The following DPP8 variants were observed in gnomAD, a reference collection of about 807,000 sequenced individuals.
DPP8 encodes the protein DPP VIII.
A neutral mutation model predicts 107.5 loss-of-function variants in DPP8; 31 were observed. The ratio of observed to expected loss-of-function variants is 0.29; its 90% CI spans 0.22 to 0.39. The LOEUF is 0.39. DPP8 is among the 10% of genes least tolerant of loss of function. The pLI, the probability that DPP8 is intolerant of heterozygous loss-of-function variation, is 1.00. For missense variants in DPP8, 842 were observed against 1,076.1 expected (o/e 0.78, Z 3.04); for synonymous variants, 381 against 356.6 (o/e 1.07, Z -0.77).
At chr15:65,507,648 T>G (rs376822801) in intron 2 of DPP8, among the ~76,000 whole-genome samples, 3 of 124,334 alleles carry the variant, frequency 2.4e-5, no homozygotes, top group Non-Finnish European at 3.3e-5. Context: ...CATAGCAAGA[T>G]CCCAACTTAA....
intron 5 of DPP8, among the ~76,000 whole-genome samples, chr15:65,496,155 T>C (rs1008184625): frequency 1.1e-4 from 16 of 151,826 alleles, no homozygotes; most frequent in African/African-American, 3.6e-4. Context: ...GGCTAATTTT[T>C]TGTAGTTTTC....
intron 19 of DPP8, among the ~76,000 whole-genome samples, chr15:65,447,767 C>T (rs560483230): frequency 3.9e-5 from 6 of 152,224 alleles, no homozygotes; most frequent in African/African-American, 1.4e-4. Context: ...ACTTCAAGGA[C>T]AACACTGACA....
chr15:65,473,279 C>T (rs1182879591), intron 12 of DPP8, among the ~76,000 whole-genome samples: 1 of 147,652 alleles, frequency 6.8e-6, no homozygotes, highest in Non-Finnish European at 1.5e-5. Context: ...AAGCCAAGAT[C>T]ATGCCACTGC....
intron 15 of DPP8, among the ~76,000 whole-genome samples, chr15:65,462,363 G>T (rs1472084557): frequency 6.6e-6 from 1 of 152,118 alleles, no homozygotes; most frequent in African/African-American, 2.4e-5. Context: ...AGATTTTATG[G>T]TTTATGTAGT....
chr15:65,491,749 T>A (rs879338615), intron 5 of DPP8, among the ~76,000 whole-genome samples: 1 of 152,212 alleles, frequency 6.6e-6, no homozygotes, highest in Non-Finnish European at 1.5e-5. Context: ...AACATTTTTT[T>A]TGAGACGGAG....
At chr15:65,501,366 T>G (rs1420807037) in intron 3 of DPP8, among the ~76,000 whole-genome samples, 2 of 152,184 alleles carry the variant, frequency 1.3e-5, no homozygotes, top group African/African-American at 4.8e-5. Context: ...ATGTTAGCAT[T>G]CAAGACTTTC....
At chr15:65,500,309 T>C (rs1025726725) in intron 4 of DPP8, among the ~76,000 whole-genome samples, 3 of 151,940 alleles carry the variant, frequency 2.0e-5, no homozygotes, top group African/African-American at 7.3e-5. Context: ...TCCCAGCTAC[T>C]TGGGAGGCTG....
In DPP8 at chr15:65,481,627, GA is replaced by G. The variant is rs564348457; in HGVS notation, c.1018-13del. The G allele has an allele frequency of 3.3e-4, 403 of 1,228,586 alleles. 2 individuals carry two copies. The highest frequency in any genetic ancestry group is 3.2e-3 in the African/African-American group (202 of 62,610). The allele number at this position is 1,228,586 out of a possible 1,614,324, so 76.1% of individuals were successfully genotyped here. ...ATGACATCTATGATCTATTAAAAAA[GA>G]AAAAAAAAGAATCTAGTTATAGAAG... On this transcript the variant is annotated splice_polypyrimidine_tract_variant and intron_variant, in intron 8 of 19. Transcript: ENST00000300141.
At chr15:65,502,469 G>T (rs1685248753) in intron 3 of DPP8, among the ~76,000 whole-genome samples, 1 of 152,044 alleles carries the variant, frequency 6.6e-6, no homozygotes, top group South Asian at 2.1e-4. Flanking sequence ...CCCGTGGTCA[G>T]GAGTTCAAAT....
chr15:65,499,105 G>GTGTGTGTGTGTGTGTGTGTGTGTGTA (rs1555468189), intron 4 of DPP8, among the ~76,000 whole-genome samples: 37 of 138,824 alleles, frequency 2.7e-4, no homozygotes, highest in African/African-American at 9.8e-4. Flanking sequence ...GTGTGTGTGT[G>GTGTGTGTGTGTGTGTGTGTGTGTGTA]TATATATAAA....
chr15:65,484,734 C>T (rs1256704550), intron 8 of DPP8, among the ~76,000 whole-genome samples: 1 of 150,948 alleles, frequency 6.6e-6, no homozygotes, highest in Non-Finnish European at 1.5e-5. Flanking sequence ...AAGCACTTGG[C>T]TGTCGAAATG....
chr15:65,455,541 T>A (rs955297487), intron 16 of DPP8: 3 of 504,448 alleles, frequency 5.9e-6, no homozygotes, highest in Non-Finnish European at 8.7e-6. Context: ...ACATACTACT[T>A]CTTTAAAGTC....
rs114366373 is a variant in DPP8, at chr15:65,513,541, A to C, written c.-11-977T>G. Among the ~76,000 whole-genome samples the C allele has an allele frequency of 2.2e-3, 339 of 152,336 alleles. 1 individual carries two copies. The highest frequency in any genetic ancestry group is 7.8e-3 in the African/African-American group (325 of 41,592). ...GACTCTGTATTTTAAGGAAATTTAC[A>C]TGACTATTCTTACCAATCATACAAC... is the stretch of plus-strand genomic sequence containing the variant. On this transcript the variant is annotated intron_variant, in intron 1 of 19. Transcript: ENST00000300141.
intron 3 of DPP8, among the ~76,000 whole-genome samples, chr15:65,503,011 C>T (rs2069437071): frequency 6.6e-6 from 1 of 152,100 alleles, no homozygotes; most frequent in African/African-American, 2.4e-5. Context: ...ATTCCAAATG[C>T]CTTTTTTCCA....
At chr15:65,476,745 C>G (rs1239049012) in intron 11 of DPP8, among the ~76,000 whole-genome samples, 1 of 152,184 alleles carries the variant, frequency 6.6e-6, no homozygotes, top group Non-Finnish European at 1.5e-5. Context: ...TGTACACCCA[C>G]GTCCACAGCA....
At chr15:65,447,881 C>A (rs1432052149) in intron 19 of DPP8, among the ~76,000 whole-genome samples, 2 of 152,120 alleles carry the variant, frequency 1.3e-5, no homozygotes, top group African/African-American at 4.8e-5. Context: ...AGACACTTTT[C>A]CGATGAGCTC....
At chr15:65,469,626 C>A (rs1023401041) in intron 12 of DPP8, among the ~76,000 whole-genome samples, 2 of 133,890 alleles carry the variant, frequency 1.5e-5, no homozygotes, top group Admixed American at 8.1e-5. Context: ...GCACTCTAGC[C>A]TGGGCAACAA....
At chr15:65,449,263 TATATA>T (rs978222725) in intron 19 of DPP8, among the ~76,000 whole-genome samples, 3 of 145,856 alleles carry the variant, frequency 2.1e-5, no homozygotes, top group African/African-American at 7.5e-5. Context: ...TAAAAATATA[TATATA>T]ATAAAAAGTA....
At chr15:65,464,610 G>C (rs752546455) in intron 14 of DPP8, among the ~76,000 whole-genome samples, 3 of 151,644 alleles carry the variant, frequency 2.0e-5, no homozygotes, top group Non-Finnish European at 2.9e-5. Context: ...CTGAGCCCAG[G>C]AGGTTGAGGC....
Sources: gnomAD v4.1 joint callset for allele counts (sites outside exome capture counted in the v4.1 genomes callset) on GRCh38, gnomAD v4.1.1 for gene constraint, MANE v1.5 for transcripts, NCBI Gene and HGNC (gene_info 2026-07-23, HGNC 2026-07-21) for gene names.